Variants in FOXP3 observed in about 807,000 individuals in gnomAD.
FOXP3 encodes forkhead box P3.
FOXP3 carries 5 observed loss-of-function variants against 31.2 expected under a neutral mutation model. The ratio of observed to expected loss-of-function variants is 0.16; its 90% CI spans 0.08 to 0.34. The LOEUF is 0.34. Ranked by LOEUF, FOXP3 falls within the 10% of genes least tolerant of loss-of-function variation. FOXP3 has a pLI of 1.00. For synonymous variants in FOXP3, 141 were observed against 148.8 expected, an observed-to-expected ratio of 0.95 and a Z score of 0.38; for missense variants, 251 against 363.0, an observed-to-expected ratio of 0.69 and a Z score of 2.51.
intron 1 of FOXP3, among the ~76,000 whole-genome samples, chrX:49,261,144 G>C (rs2066107552): frequency 8.9e-6 from 1 of 112,526 alleles, no homozygotes; most frequent in South Asian, 3.7e-4. Flanking sequence ...TAGATTTAAA[G>C]GATCCTAGAA....
intron 1 of FOXP3, among the ~76,000 whole-genome samples, chrX:49,260,126 C>T (rs1373988102): frequency 1.1e-4 from 12 of 111,088 alleles, no homozygotes; most frequent in African/African-American, 3.0e-4. Context: ...GTGGAGGCTC[C>T]GAACAAGGGC....
At chrX:49,263,859 C>T (rs1457165778) in intron 1 of FOXP3, among the ~76,000 whole-genome samples, 2 of 111,202 alleles carry the variant, frequency 1.8e-5, no homozygotes, top group African/African-American at 6.6e-5. Flanking sequence ...CCTGCCCCCC[C>T]GCCCCAAGGG....
intron 2 of FOXP3, 42 bp from the exon 3 acceptor site, chrX:49,257,810 CACTGTTCTGTGTCTAATTCAAAT>C (rs1557116634): frequency 1.9e-6 from 2 of 1,033,470 alleles, no homozygotes; most frequent in Non-Finnish European, 2.7e-6. Flanking sequence ...TCCTGATCCT[CACTGTTCTGTGTCTAATTCAAAT>C]ACTCTGCACT....
chrX:49,260,803 C>T (rs995775451), intron 1 of FOXP3, among the ~76,000 whole-genome samples: 1 of 113,036 alleles, frequency 8.8e-6, no homozygotes, highest in Non-Finnish European at 1.9e-5. Flanking sequence ...GACGTCATGG[C>T]GGCCGGATGC....
In FOXP3 at chrX:49,251,377, C is replaced by G. The variant is rs1317916668; in HGVS notation, c.1253G>C (p.Ser418Thr). 1.7e-6 allele frequency: 2 copies of G among 1,209,730 alleles called. No homozygotes were observed. Among genetic ancestry groups the G allele is most frequent in the Admixed American group, 4.4e-5 (2 of 45,798 alleles). The change falls in exon 12 of 12, where the codon AGC (serine) becomes ACC (threonine). Residue 418 changes from serine (S) to threonine (T), a missense_variant. Physicochemically the swap from Ser to Thr is moderately conservative, Grantham distance 58. This residue lies in a region of FOXP3 where 36 missense variants were observed against 88.1 expected (regional missense o/e 0.41). Coordinates refer to ENST00000376207, the MANE Select transcript of FOXP3 (RefSeq NM_014009.4). ...GTTGGAACACCTGCTGGGCCTCTGG[C>G]TCCGTTTCTTGCGGAACTCCAGCTC... ...VDELEFRKKR[S>T]QRPSRCSNPT...
chrX:49,253,049 G>A, intron 10 of FOXP3, 77 bp downstream of exon 10: 1 of 909,294 alleles, frequency 1.1e-6, no homozygotes, highest in Non-Finnish European at 1.6e-6. Flanking sequence ...CACTCAGAGG[G>A]AGACAGGAGT....
Position 49,253,214 on chromosome X carries a change from T to C in FOXP3, c.968-12A>G, listed in dbSNP as rs782475933. On this transcript the variant is annotated splice_polypyrimidine_tract_variant and intron_variant, in intron 9 of 11. Coordinates refer to ENST00000376207, the MANE Select transcript of FOXP3 (RefSeq NM_014009.4). ...GTTGTGGAGGAACTCTGTCAGAGGG[T>C]GGGGATGAATCAAGCCCCATGCAGG... is the stretch of plus-strand genomic sequence containing the variant. 5.0e-6 allele frequency: 6 copies of C among 1,198,837 alleles called. No homozygotes were observed. The highest frequency in any genetic ancestry group is 3.5e-5 in the African/African-American group (2 of 57,340).
chrX:49,251,258 C>A lies in FOXP3; in HGVS notation c.*76G>T. 1.8e-6 allele frequency: 2 copies of A among 1,118,604 alleles called. No individual in the cohort carries two copies. Among genetic ancestry groups the A allele is most frequent in the Non-Finnish European group, 1.2e-6 (1 of 824,508 alleles). 92.2% of individuals were successfully genotyped at this position (1,118,604 alleles called of 1,213,427 possible). On this transcript the variant is annotated 3_prime_UTR_variant, in exon 12 of 12. Coordinates refer to ENST00000376207, the MANE Select transcript of FOXP3 (RefSeq NM_014009.4). Reference sequence around the variant, plus strand: ...CCCTGTGGGCACATCCAGGGCCTATCATCCCTGCCCCCACCACCTCTGCCT... The same window carrying A: ...CCCTGTGGGCACATCCAGGGCCTATAATCCCTGCCCCCACCACCTCTGCCT...
chrX:49,263,983 A>G (rs1389543040), intron 1 of FOXP3, among the ~76,000 whole-genome samples: 1 of 112,065 alleles, frequency 8.9e-6, no homozygotes, highest in Non-Finnish European at 1.9e-5. Context: ...CATAAAATGT[A>G]AAGGTCCTCG....
chrX:49,259,665 A>AG lies in FOXP3; in HGVS notation c.-22-1139dup, dbSNP rs782485357. Among the ~76,000 whole-genome samples, 297 of 111,046 alleles carry AG rather than the reference A, an allele frequency of 2.7e-3. 1 individual carries two copies. Among genetic ancestry groups the AG allele is most frequent in the Middle Eastern group, 9.3e-3 (2 of 216 alleles). On this transcript the variant is annotated intron_variant, in intron 1 of 11. Coordinates refer to ENST00000376207, the MANE Select transcript of FOXP3 (RefSeq NM_014009.4). ...GAGCCCCAGAACCTTCCACTCCCTG[A>AG]GGGAAGCACTGGCTTTTCAGGATCC...
intron 9 of FOXP3, 60 bp downstream of exon 9, chrX:49,253,856 AC>A: frequency 8.4e-7 from 1 of 1,192,113 alleles, no homozygotes; most frequent in Non-Finnish European, 1.1e-6. Flanking sequence ...TGCACCCTCC[AC>A]CCAGAGCCTG....
Position 49,256,994 on chromosome X carries a change from A to T in FOXP3, c.473T>A (p.Leu158Gln), listed in dbSNP as rs1557116475. 1 of 1,209,789 alleles carries T rather than the reference A, an allele frequency of 8.3e-7. No individual in the cohort carries two copies. The highest frequency in any genetic ancestry group is 2.2e-5 in the Admixed American group (1 of 46,019). ...TGCCGGCTCCCTGGACACCCATTCC[A>T]GGCTGGCCACGTTGATCCCTGTGGG... ...GLPPGINVAS[L>Q]EWVSREPALL... The change falls in exon 5 of 12, where the codon CTG (leucine) becomes CAG (glutamine). Residue 158 changes from leucine to glutamine, a missense_variant. By Grantham distance (113) the Leu-to-Gln change is moderately radical. Coordinates refer to ENST00000376207, the MANE Select transcript of FOXP3 (RefSeq NM_014009.4).
chrX:49,251,909 G>A (rs1482975469), intron 10 of FOXP3, 144 bp from the exon 11 acceptor site: 1 of 1,125,369 alleles, frequency 8.9e-7, no homozygotes, highest in Non-Finnish European at 1.2e-6. Flanking sequence ...GGTGAAGCAT[G>A]GGGTCAAAGA....
intron 8 of FOXP3, among the ~76,000 whole-genome samples, chrX:49,254,720 G>A (rs188761853): frequency 3.6e-5 from 4 of 111,439 alleles, no homozygotes; most frequent in African/African-American, 1.3e-4. Flanking sequence ...CAGAAACAGT[G>A]CCTGGCCTCC....
chrX:49,251,656 G>A lies in FOXP3; in HGVS notation c.1146+8C>T, dbSNP rs1273980343. ...CATCCCAGTCACCGCCACCTCAGAG[G>A]AGCTCACCTTCCAGGTGGCAGGATG... On this transcript the variant is annotated splice_region_variant and intron_variant, in intron 11 of 11. Coordinates refer to ENST00000376207, the MANE Select transcript of FOXP3 (RefSeq NM_014009.4). 3.3e-6 allele frequency: 4 copies of A among 1,207,820 alleles called. No individual in the cohort carries two copies. Among genetic ancestry groups the A allele is most frequent in the African/African-American group, 3.5e-5 (2 of 57,250 alleles).
At chrX:49,257,800 T>G in intron 2 of FOXP3, 32 bp from the exon 3 acceptor site, 3 of 1,058,902 alleles carry the variant, frequency 2.8e-6, no homozygotes, top group Non-Finnish European at 3.9e-6. Flanking sequence ...TGAGAGGCCA[T>G]CCTGATCCTC....
At chrX:49,256,322 T>G (rs1162465896) in intron 6 of FOXP3, among the ~76,000 whole-genome samples, 1 of 103,460 alleles carries the variant, frequency 9.7e-6, no homozygotes, top group Non-Finnish European at 1.9e-5. Context: ...CTAGAGGAGC[T>G]AGAACTTTGG....
intron 4 of FOXP3, 54 bp downstream of exon 4, chrX:49,257,373 G>C: frequency 8.9e-7 from 1 of 1,126,122 alleles, no homozygotes; most frequent in South Asian, 2.3e-5. Context: ...CACAGCCAAG[G>C]ATCTGGGGAC....
intron 1 of FOXP3, among the ~76,000 whole-genome samples, chrX:49,263,383 C>T (rs892488204): frequency 2.7e-5 from 3 of 111,805 alleles, no homozygotes; most frequent in Non-Finnish European, 5.6e-5. Context: ...GGGTCATAAA[C>T]TTTAAAAATG....
Sources: allele counts gnomAD v4.1 joint callset (sites outside exome capture counted in the v4.1 genomes callset), GRCh38; gene constraint gnomAD v4.1.1; regional missense constraint gnomAD v4.1.1; transcripts MANE v1.5; gene names NCBI Gene and HGNC (gene_info 2026-07-23, HGNC 2026-07-21).